FLYWCH2: variants seen among roughly 807,000 people sequenced by gnomAD.
FLYWCH2 encodes the protein FLYWCH family member 2.
FLYWCH2 carries 2 observed loss-of-function variants against 6.0 expected under a neutral mutation model. That is an observed-to-expected ratio of 0.33 (90% CI 0.14 to 1.04). The LOEUF (loss-of-function observed/expected upper bound fraction) is 1.04. Among genes scored for constraint, FLYWCH2 ranks in the 50% least tolerant of loss-of-function variants. The pLI, the probability that FLYWCH2 is intolerant of heterozygous loss-of-function variation, is 0.45. For synonymous variants in FLYWCH2, 87 were observed against 79.3 expected (o/e 1.10, Z -0.52); for missense variants, 192 against 183.4 (o/e 1.05, Z -0.27).
intron 1 of FLYWCH2, among the ~76,000 whole-genome samples, chr16:2,893,634 C>CTTTTTTTTTTTT (rs35147234): frequency 8.9e-6 from 1 of 111,930 alleles, no homozygotes; most frequent in Non-Finnish European, 1.8e-5. Context: ...TTCTTTTCTT[C>CTTTTTTTTTTTT]TTTTTTTTTT....
chr16:2,892,596 A>G (rs532766347), intron 1 of FLYWCH2, among the ~76,000 whole-genome samples: 2 of 152,112 alleles, frequency 1.3e-5, no homozygotes, highest in Admixed American at 1.3e-4. Context: ...CTGTAATCCC[A>G]GCACTTTGGG....
At chr16:2,886,933 C>G (rs1160250850) in intron 1 of FLYWCH2, among the ~76,000 whole-genome samples, 1 of 152,130 alleles carries the variant, frequency 6.6e-6, no homozygotes, top group East Asian at 1.9e-4. Context: ...AACATTTTTT[C>G]CCATTCTATG....
In FLYWCH2 at chr16:2,890,214, GTTTTTTTGTTTTTGTTTTTT is replaced by G. The variant is rs1212207924; in HGVS notation, c.-199-4989_-199-4970del. 3.6e-3 allele frequency among the ~76,000 whole-genome samples: 472 copies of G among 132,936 alleles called. 3 individuals carry two copies. Among genetic ancestry groups the G allele is most frequent in the African/African-American group, 0.013 (452 of 33,858 alleles). 87.2% of individuals were successfully genotyped at this position (132,936 alleles called of 152,430 possible). Reference sequence around the variant, plus strand: ...CATTCATTTTTGTGTGCGTGTGTGTGTTTTTTTGTTTTTGTTTTTTTTTTTTTGTTTTTGTTGTTTTTTGG... The same window carrying G: ...CATTCATTTTTGTGTGCGTGTGTGTGTTTTTTTGTTTTTGTTGTTTTTTGG... On this transcript the variant is annotated intron_variant, in intron 1 of 3. Transcript: ENST00000396958.
At chr16:2,888,500 A>G (rs78732755) in intron 1 of FLYWCH2, among the ~76,000 whole-genome samples, 6 of 151,750 alleles carry the variant, frequency 4.0e-5, no homozygotes, top group Non-Finnish European at 8.8e-5. Flanking sequence ...AAAAAAAAAA[A>G]AAAGCCAGCT....
At position 2,899,037 on chromosome 16, in the gene FLYWCH2, C is replaced by T. The variant is rs2069853269; in HGVS notation, c.323-12C>T. On this transcript the variant is annotated splice_polypyrimidine_tract_variant and intron_variant, in intron 3 of 3. Transcript: ENST00000396958. ...CATTGACACCAGCCTGATCCACCCT[C>T]TTCTCTCGCAGGCACAGACAGAACA... The T allele has an allele frequency of 6.2e-7, 1 of 1,606,958 alleles. No homozygotes were observed. The highest frequency in any genetic ancestry group is 8.5e-7 in the Non-Finnish European group (1 of 1,176,492).
chr16:2,891,486 G>T (rs1313247930), intron 1 of FLYWCH2, among the ~76,000 whole-genome samples: 10 of 152,026 alleles, frequency 6.6e-5, no homozygotes, highest in Admixed American at 6.5e-4. Context: ...CTCACTGCAA[G>T]CTCCGCCTCC....
At chr16:2,887,313 C>CTTTTT (rs71158114) in intron 1 of FLYWCH2, among the ~76,000 whole-genome samples, 959 of 72,352 alleles carry the variant, frequency 0.013, 16 homozygotes, top group African/African-American at 0.035. Context: ...GCCCGGCTTT[C>CTTTTT]TTTTTTTTTT....
chr16:2,884,965 C>A (rs537472672), intron 1 of FLYWCH2, among the ~76,000 whole-genome samples: 1 of 151,986 alleles, frequency 6.6e-6, no homozygotes, highest in Non-Finnish European at 1.5e-5. Context: ...CTCAATTTAC[C>A]TTTTTCTGAA....
In FLYWCH2 at chr16:2,899,361, C is replaced by T. The variant is rs1169103797; in HGVS notation, c.*212C>T. Reference sequence around the variant, plus strand: ...ATAAAAGAAGCTGTTCGCTAGACCCCATAATGGGCAGGTTTTAAACATCCC... The same window carrying T: ...ATAAAAGAAGCTGTTCGCTAGACCCTATAATGGGCAGGTTTTAAACATCCC... On this transcript the variant is annotated 3_prime_UTR_variant, in exon 4 of 4. Transcript: ENST00000396958. 1 of 451,206 alleles carries T rather than the reference C, an allele frequency of 2.2e-6. No homozygotes were observed. 28.0% of individuals were successfully genotyped at this position (451,206 alleles called of 1,614,324 possible).
intron 1 of FLYWCH2, among the ~76,000 whole-genome samples, chr16:2,892,837 T>C (rs1466677629): frequency 1.3e-5 from 2 of 148,272 alleles, no homozygotes; most frequent in African/African-American, 4.9e-5. Context: ...AACCAGATTC[T>C]GTCTCAAAAA....
chr16:2,892,642 G>A (rs971053603), intron 1 of FLYWCH2, among the ~76,000 whole-genome samples: 1 of 151,776 alleles, frequency 6.6e-6, no homozygotes, highest in African/African-American at 2.4e-5. Context: ...TCAACAGATC[G>A]AGACCATCCT....
At position 2,893,051 on chromosome 16, in the gene FLYWCH2, C is replaced by T. The variant is rs146942475; in HGVS notation, c.-199-2169C>T. On this transcript the variant is annotated intron_variant, in intron 1 of 3. Coordinates refer to ENST00000396958, the MANE Select transcript of FLYWCH2 (RefSeq NM_138439.3). ...ACACACACATATAAATGCAGCAGCA[C>T]GTATGGGAGGGGCTCACTTTCCATT... Among the ~76,000 whole-genome samples, 70 of 150,566 alleles carry T rather than the reference C, an allele frequency of 4.6e-4. 3 individuals carry two copies. In the East Asian group the frequency reaches 9.1e-3, roughly 20 times the overall value.
intron 1 of FLYWCH2, among the ~76,000 whole-genome samples, chr16:2,891,609 G>A (rs1473264233): frequency 6.6e-6 from 1 of 152,054 alleles, no homozygotes; most frequent in African/African-American, 2.4e-5. Context: ...GTTTCACCGT[G>A]TTAGCCAGGA....
At chr16:2,886,038 G>A (rs2069694496) in intron 1 of FLYWCH2, among the ~76,000 whole-genome samples, 1 of 152,110 alleles carries the variant, frequency 6.6e-6, no homozygotes, top group Admixed American at 6.6e-5. Flanking sequence ...CATCCTGGTG[G>A]TGTGAAGTGA....
In FLYWCH2 at chr16:2,896,355, G is replaced by T. The variant is rs906784884; in HGVS notation, c.-95G>T. 6.9e-7 allele frequency: 1 copy of T among 1,443,866 alleles called. No homozygotes were observed. Among genetic ancestry groups the T allele is most frequent in the African/African-American group, 1.4e-5 (1 of 70,290 alleles). 89.4% of individuals were successfully genotyped at this position (1,443,866 alleles called of 1,614,324 possible). A position where few individuals can be genotyped will look rare whatever the true frequency, so the allele number is the denominator to read the frequency against. ...GGGATTTTGCTTCCTTCCTTAGGACGGAACCGCTGGACTCCAGGTTCCTTG... is the reference window on the plus strand; with the variant it reads ...GGGATTTTGCTTCCTTCCTTAGGACTGAACCGCTGGACTCCAGGTTCCTTG... On this transcript the variant is annotated 5_prime_UTR_variant, in exon 3 of 4. Coordinates refer to ENST00000396958, the MANE Select transcript of FLYWCH2 (RefSeq NM_138439.3).
intron 1 of FLYWCH2, among the ~76,000 whole-genome samples, chr16:2,888,065 G>A (rs759405428): frequency 8.6e-5 from 13 of 151,990 alleles, no homozygotes; most frequent in Middle Eastern, 3.2e-3. Flanking sequence ...CTGGAGTGTA[G>A]TGGCGTGATC....
chr16:2,892,906 TA>T (rs1228185477), intron 1 of FLYWCH2, among the ~76,000 whole-genome samples: 514 of 47,728 alleles, frequency 0.011, 3 homozygotes, highest in Non-Finnish European at 0.018. Context: ...ATATGTCATA[TA>T]ATATATATTA....
At chr16:2,883,813 G>T (rs1387067250) in intron 1 of FLYWCH2, among the ~76,000 whole-genome samples, 1 of 152,236 alleles carries the variant, frequency 6.6e-6, no homozygotes, top group East Asian at 1.9e-4. Context: ...CCGGGGAGCT[G>T]GGACCATTTG....
At chr16:2,893,576 A>C (rs7204993) in intron 1 of FLYWCH2, among the ~76,000 whole-genome samples, 82,239 of 150,768 alleles carry the variant, frequency 0.55, 23,061 homozygotes, top group African/African-American at 0.63. Context: ...TGTTCGTTTA[A>C]TATGGGGTTT....
Sources: allele counts gnomAD v4.1 joint callset (sites outside exome capture counted in the v4.1 genomes callset), GRCh38; gene constraint gnomAD v4.1.1; transcripts MANE v1.5; gene names NCBI Gene and HGNC (gene_info 2026-07-23, HGNC 2026-07-21).